Variants in PCDHA7 observed in about 807,000 individuals in gnomAD.
PCDHA7 encodes protocadherin alpha-7.
Under a neutral mutation model 57.2 loss-of-function variants are expected in PCDHA7, and 37 were observed. The ratio of observed to expected loss-of-function variants is 0.65; its 90% CI spans 0.50 to 0.85. The LOEUF (loss-of-function observed/expected upper bound fraction) is 0.85, where lower values mean the gene tolerates loss of function less well. Among genes scored for constraint, PCDHA7 ranks in the 40% least tolerant of loss-of-function variants. The pLI is 0.00. For missense variants in PCDHA7, 1,188 were observed against 1,241.8 expected (o/e 0.96, Z 0.65); for synonymous variants, 553 against 558.8 (o/e 0.99, Z 0.15).
In PCDHA7 at chr5:140,835,884, G is replaced by A. The variant is rs2150247452; in HGVS notation, c.1501G>A (p.Glu501Lys). 3.7e-6 allele frequency: 6 copies of A among 1,611,966 alleles called. 1 individual carries two copies. The highest frequency in any genetic ancestry group is 2.2e-5 in the East Asian group (1 of 44,824). ...CTCGCTGGTGGAGCTGCGGGTGGGCGAGCGCGCGCTGTCGAGCTACGTGTC... is the reference window on the plus strand; with the variant it reads ...CTCGCTGGTGGAGCTGCGGGTGGGCAAGCGCGCGCTGTCGAGCTACGTGTC... The part of the protein sequence containing the change: ...SYSLVELRVG[E>K]RALSSYVSVH... Residue 501 changes from glutamate to lysine, a missense_variant, in exon 1 of 4, where the codon GAG becomes AAG. This residue lies in a region of PCDHA7 where 892 missense variants were observed against 788.5 expected (regional missense o/e 1.13). Coordinates refer to ENST00000525929, the MANE Select transcript of PCDHA7 (RefSeq NM_018910.3).
At position 140,883,117 on chromosome 5, in the gene PCDHA7, G is replaced by T. The variant is rs782191143; in HGVS notation, c.2355+46379G>T. Reference sequence around the variant, plus strand: ...GAGATATAGTTTACTCATTTAGAAGGCCTGTATGGCCTGCAGTGGTATATG... The same window carrying T: ...GAGATATAGTTTACTCATTTAGAAGTCCTGTATGGCCTGCAGTGGTATATG... On this transcript the variant is annotated intron_variant, in intron 1 of 3. Transcript: ENST00000525929. 2.5e-6 allele frequency: 4 copies of T among 1,613,898 alleles called. No homozygotes were observed. Among genetic ancestry groups the T allele is most frequent in the Admixed American group, 3.3e-5 (2 of 59,964 alleles).
At chr5:140,951,170 A>G (rs62384503) in intron 1 of PCDHA7, among the ~76,000 whole-genome samples, 5,911 of 151,952 alleles carry the variant, frequency 0.039, 176 homozygotes, top group Non-Finnish European at 0.057. Flanking sequence ...TAGCTACTTT[A>G]AAGTCATTGT....
At chr5:140,926,217 T>C (rs1201243643) in intron 1 of PCDHA7, among the ~76,000 whole-genome samples, 1 of 151,994 alleles carries the variant, frequency 6.6e-6, no homozygotes, top group African/African-American at 2.4e-5. Flanking sequence ...CCTGTTTCCT[T>C]AAGCCTAGAA....
At chr5:140,841,910 A>C (rs2150325342) in intron 1 of PCDHA7, 2 of 1,613,928 alleles carry the variant, frequency 1.2e-6, no homozygotes, top group Admixed American at 3.3e-5. Context: ...GCTCGTATTA[A>C]GAAAATCCTT....
At chr5:140,972,990 G>A (rs185555684) in intron 1 of PCDHA7, among the ~76,000 whole-genome samples, 2 of 152,188 alleles carry the variant, frequency 1.3e-5, no homozygotes, top group African/African-American at 4.8e-5. Context: ...GGTAGATTCT[G>A]TGCATTTGTG....
chr5:140,861,442 G>A (rs251368), intron 1 of PCDHA7: 2 of 490,042 alleles, frequency 4.1e-6, no homozygotes, highest in African/African-American at 3.9e-5. Flanking sequence ...TCCAAAAGCC[G>A]CAGAAACCTT....
intron 1 of PCDHA7, among the ~76,000 whole-genome samples, chr5:140,955,453 C>T (rs1372474602): frequency 6.6e-6 from 1 of 152,012 alleles, no homozygotes; most frequent in Admixed American, 6.6e-5. Context: ...TTTATAAGGG[C>T]TTTTTCCTTT....
intron 1 of PCDHA7, among the ~76,000 whole-genome samples, chr5:140,941,214 C>CCTTCCTTTCTTT (rs1554214040): frequency 1.6e-5 from 2 of 122,412 alleles, no homozygotes; most frequent in Non-Finnish European, 3.4e-5. Flanking sequence ...TTTCTTTCTT[C>CCTTCCTTTCTTT]CTTTCTTTCT....
chr5:140,872,007 G>A (rs974078446), intron 1 of PCDHA7, among the ~76,000 whole-genome samples: 7 of 152,176 alleles, frequency 4.6e-5, no homozygotes, highest in African/African-American at 1.4e-4. Flanking sequence ...ATTTACAGGT[G>A]ACCTGTAGCC....
chr5:140,834,787 C>G lies in PCDHA7; in HGVS notation c.404C>G (p.Ala135Gly). ...DINDNPPVFP[A>G]TQRNLFIAES... ...AACGACAACCCTCCGGTGTTCCCAG[C>G]GACACAAAGGAATCTGTTCATCGCG... The change falls in exon 1 of 4, where the codon GCG (alanine) becomes GGG (glycine). Residue 135 changes from alanine to glycine, a missense_variant. Physicochemically the swap from Ala to Gly is moderately conservative, Grantham distance 60. Transcript: ENST00000525929. 6.2e-7 allele frequency: 1 copy of G among 1,613,658 alleles called. No homozygotes were observed. The highest frequency in any genetic ancestry group is 8.5e-7 in the Non-Finnish European group (1 of 1,179,914).
chr5:140,875,208 C>G (rs1297860404), intron 1 of PCDHA7: 2 of 668,428 alleles, frequency 3.0e-6, no homozygotes, highest in East Asian at 6.8e-5. Flanking sequence ...GTGGCTAAAC[C>G]GAAAAGAACC....
chr5:140,919,286 G>A (rs1225686980), intron 1 of PCDHA7, among the ~76,000 whole-genome samples: 9 of 152,096 alleles, frequency 5.9e-5, no homozygotes, highest in Admixed American at 5.9e-4. Flanking sequence ...GCTATCTTGT[G>A]GTTGCTGTTT....
chr5:140,968,818 T>A, intron 1 of PCDHA7: 1 of 1,614,188 alleles, frequency 6.2e-7, no homozygotes, highest in South Asian at 1.1e-5. Context: ...TGGATAGGGT[T>A]TCCAAAATCC....
intron 1 of PCDHA7, among the ~76,000 whole-genome samples, chr5:140,898,461 G>T (rs1393934497): frequency 4.6e-5 from 7 of 152,102 alleles, no homozygotes; most frequent in Non-Finnish European, 8.8e-5. Flanking sequence ...TTTCCCCATT[G>T]CTTGTTTTTC....
chr5:140,838,474 T>C (rs1775747534), intron 1 of PCDHA7, among the ~76,000 whole-genome samples: 1 of 151,866 alleles, frequency 6.6e-6, no homozygotes, highest in Admixed American at 6.6e-5. Flanking sequence ...CGCTTATTCC[T>C]TGTTTTTGAT....
intron 1 of PCDHA7, chr5:140,884,083 G>C (rs538322622): frequency 1.2e-6 from 2 of 1,613,596 alleles, no homozygotes; most frequent in South Asian, 1.1e-5. Context: ...GCTACAATGC[G>C]TGGCTTTCGT....
chr5:140,982,584 C>T (rs1554244599), intron 3 of PCDHA7, 21 bp downstream of exon 3: 1 of 1,612,032 alleles, frequency 6.2e-7, no homozygotes, highest in East Asian at 2.2e-5. Flanking sequence ...GGGGTCTCTC[C>T]ATTCTTTCTT....
At chr5:140,928,165 C>T (rs1554205580) in intron 1 of PCDHA7, 3 of 1,614,200 alleles carry the variant, frequency 1.9e-6, no homozygotes, top group East Asian at 2.2e-5. Context: ...CTCACCCCCA[C>T]TTAGCACCCG....
intron 1 of PCDHA7, chr5:140,927,707 T>G (rs1224984801): frequency 6.2e-7 from 1 of 1,614,080 alleles, no homozygotes; most frequent in African/African-American, 1.3e-5. Flanking sequence ...CAGTACTCCC[T>G]AAGCAACAGC....
Sources: allele counts gnomAD v4.1 joint callset (sites outside exome capture counted in the v4.1 genomes callset), GRCh38; gene constraint gnomAD v4.1.1; regional missense constraint gnomAD v4.1.1; transcripts MANE v1.5; gene names NCBI Gene and HGNC (gene_info 2026-07-23, HGNC 2026-07-21).